DPYD: variants seen among roughly 807,000 people sequenced by gnomAD.
DPYD encodes dihydropyrimidine dehydrogenase.
In DPYD, 109 loss-of-function variants were observed where a neutral mutation model predicts 116.2. That is an observed-to-expected ratio of 0.94 (90% CI 0.80 to 1.10). The LOEUF (loss-of-function observed/expected upper bound fraction) is 1.10. DPYD is among the 50% of genes least tolerant of loss of function. The pLI, the probability that DPYD is intolerant of heterozygous loss-of-function variation, is 0.00. For synonymous variants in DPYD, 440 were observed against 432.0 expected (o/e 1.02, Z -0.23); for missense variants, 1,302 against 1,254.5 (o/e 1.04, Z -0.57).
intron 2 of DPYD, among the ~76,000 whole-genome samples, chr1:97,830,101 G>A (rs1167844082): frequency 6.6e-6 from 1 of 152,086 alleles, no homozygotes; most frequent in Non-Finnish European, 1.5e-5. Flanking sequence ...TGGCTGCAAA[G>A]TATTCCATGG....
At chr1:97,911,478 C>G (rs1188793279) in intron 1 of DPYD, among the ~76,000 whole-genome samples, 3 of 151,964 alleles carry the variant, frequency 2.0e-5, no homozygotes, top group African/African-American at 7.3e-5. Context: ...GGTTGGCACA[C>G]CCAAGGAAGA....
intron 16 of DPYD, among the ~76,000 whole-genome samples, chr1:97,345,782 C>T (rs1268832494): frequency 6.6e-6 from 1 of 151,838 alleles, no homozygotes; most frequent in Non-Finnish European, 1.5e-5. Context: ...ATATAGTATG[C>T]ATAGCATTTG....
At chr1:97,344,215 CA>C (rs1669726250) in intron 16 of DPYD, among the ~76,000 whole-genome samples, 1 of 151,448 alleles carries the variant, frequency 6.6e-6, no homozygotes, top group African/African-American at 2.4e-5. Flanking sequence ...AGAATCTCGC[CA>C]AAAGTACTTG....
At chr1:97,648,869 C>T (rs555643691) in intron 8 of DPYD, among the ~76,000 whole-genome samples, 31 of 152,112 alleles carry the variant, frequency 2.0e-4, no homozygotes, top group Non-Finnish European at 4.0e-4. Flanking sequence ...TATAAGCATA[C>T]GGCTACTGTT....
chr1:97,473,622 A>T (rs1466494294), intron 13 of DPYD, among the ~76,000 whole-genome samples: 1 of 152,226 alleles, frequency 6.6e-6, no homozygotes, highest in Non-Finnish European at 1.5e-5. Flanking sequence ...AGTATCAAAA[A>T]GTCAAGGGAC....
intron 13 of DPYD, among the ~76,000 whole-genome samples, chr1:97,514,652 T>G (rs1022254653): frequency 2.0e-5 from 3 of 151,906 alleles, no homozygotes; most frequent in Non-Finnish European, 4.4e-5. Context: ...GTTGATCTAT[T>G]TGAAAAAATA....
chr1:97,184,440 G>GT (rs1163984412), intron 20 of DPYD, among the ~76,000 whole-genome samples: 3 of 151,906 alleles, frequency 2.0e-5, no homozygotes, highest in Non-Finnish European at 4.4e-5. Context: ...TATTTTTTGA[G>GT]TTTTTATTAA....
At chr1:97,167,412 GC>G (rs940997545) in intron 20 of DPYD, among the ~76,000 whole-genome samples, 5 of 152,054 alleles carry the variant, frequency 3.3e-5, no homozygotes. Flanking sequence ...AGATCAGTAA[GC>G]AACTAATGAA....
chr1:97,324,307 A>G (rs865920050), intron 16 of DPYD, among the ~76,000 whole-genome samples: 2 of 151,954 alleles, frequency 1.3e-5, no homozygotes, highest in African/African-American at 4.8e-5. Context: ...GTTGGCCACT[A>G]TCCAGTGTGG....
chr1:97,154,408 C>G (rs1655275946), intron 20 of DPYD, among the ~76,000 whole-genome samples: 3 of 152,110 alleles, frequency 2.0e-5, no homozygotes, highest in Non-Finnish European at 4.4e-5. Context: ...AACCAAACAT[C>G]TTATGTTCTC....
chr1:97,298,800 C>T (rs1021563099), intron 18 of DPYD, among the ~76,000 whole-genome samples: 5 of 152,046 alleles, frequency 3.3e-5, no homozygotes, highest in Non-Finnish European at 5.9e-5. Flanking sequence ...GTCTTCTCCC[C>T]CTTTTCCTTA....
chr1:97,568,267 A>G (rs1390769939), intron 11 of DPYD, among the ~76,000 whole-genome samples: 1 of 152,172 alleles, frequency 6.6e-6, no homozygotes, highest in Admixed American at 6.6e-5. Flanking sequence ...CCCAAACAAC[A>G]TGAATAGCTA....
chr1:97,129,599 GGCTCTTCCGCA>G (rs1385585460), intron 20 of DPYD, among the ~76,000 whole-genome samples: 1 of 151,886 alleles, frequency 6.6e-6, no homozygotes, highest in Non-Finnish European at 1.5e-5. Flanking sequence ...TCATTTCCGT[GGCTCTTCCGCA>G]GGTTTCAGGC....
At chr1:97,635,443 T>C (rs1455780289) in intron 8 of DPYD, among the ~76,000 whole-genome samples, 2 of 152,162 alleles carry the variant, frequency 1.3e-5, no homozygotes, top group African/African-American at 4.8e-5. Flanking sequence ...TCTCCCTCAG[T>C]GGCTCCGCCA....
At chr1:97,488,480 A>G (rs1678779372) in intron 13 of DPYD, among the ~76,000 whole-genome samples, 3 of 152,218 alleles carry the variant, frequency 2.0e-5, no homozygotes, top group Admixed American at 6.5e-5. Context: ...GGCAAATTAT[A>G]TTAATCCAAT....
At chr1:97,312,465 G>T (rs1249833404) in intron 16 of DPYD, among the ~76,000 whole-genome samples, 1 of 151,912 alleles carries the variant, frequency 6.6e-6, no homozygotes, top group South Asian at 2.1e-4. Context: ...AAAGATGTCT[G>T]CCATTCACTA....
At chr1:97,834,853 T>C (rs774373408) in intron 2 of DPYD, among the ~76,000 whole-genome samples, 31 of 152,030 alleles carry the variant, frequency 2.0e-4, no homozygotes, top group Non-Finnish European at 3.4e-4. Flanking sequence ...GTCTCAAAAC[T>C]AGCCCTGCTG....
At chr1:97,623,512 G>T (rs1475958663) in intron 8 of DPYD, among the ~76,000 whole-genome samples, 1 of 151,824 alleles carries the variant, frequency 6.6e-6, no homozygotes, top group East Asian at 1.9e-4. Flanking sequence ...TTAATGAGGG[G>T]GTTTGGATCA....
intron 18 of DPYD, among the ~76,000 whole-genome samples, chr1:97,291,202 G>C (rs1666136207): frequency 6.6e-6 from 1 of 152,064 alleles, no homozygotes; most frequent in Admixed American, 6.5e-5. Context: ...TGCTGGAGAG[G>C]ATGTGGAGAA....
Sources: gnomAD v4.1 joint callset for allele counts (sites outside exome capture counted in the v4.1 genomes callset) on GRCh38, gnomAD v4.1.1 for gene constraint, MANE v1.5 for transcripts, NCBI Gene and HGNC (gene_info 2026-07-23, HGNC 2026-07-21) for gene names.